Variants in WWTR1 observed in about 807,000 individuals in gnomAD.
WWTR1 encodes the protein WW domain-containing transcription regulator protein 1.
WWTR1 carries 13 observed loss-of-function variants against 40.1 expected under a neutral mutation model. The ratio of observed to expected loss-of-function variants is 0.32; its 90% CI spans 0.21 to 0.52. The LOEUF is 0.52. Among genes scored for constraint, WWTR1 ranks in the 20% least tolerant of loss-of-function variants. The pLI is 0.97. For synonymous variants in WWTR1, 230 were observed against 210.1 expected (o/e 1.09, Z -0.82); for missense variants, 436 against 523.1 (o/e 0.83, Z 1.63).
rs557574982 is a variant in WWTR1 at position 149,548,580 on chromosome 3, T to G, written c.569-6043A>C. ...CATAGCGGACAGGCCTGCAAGGGGC[T>G]GGCTCTGAGTAGATCATGGAAAGAA... On this transcript the variant is annotated intron_variant, in intron 3 of 6. Transcript: ENST00000360632. 3.5e-4 allele frequency among the ~76,000 whole-genome samples: 54 copies of G among 152,382 alleles called. No individual in the cohort carries two copies. In the South Asian group the frequency reaches 0.011, roughly 30 times the overall value.
At chr3:149,689,980 G>A (rs1714765330) in intron 1 of WWTR1, among the ~76,000 whole-genome samples, 1 of 152,108 alleles carries the variant, frequency 6.6e-6, no homozygotes, top group Admixed American at 6.5e-5. Flanking sequence ...AGGCAGGGAC[G>A]AAGTAAAAGT....
intron 3 of WWTR1, among the ~76,000 whole-genome samples, chr3:149,552,897 A>G (rs889766178): frequency 6.6e-6 from 1 of 152,128 alleles, no homozygotes; most frequent in African/African-American, 2.4e-5. Flanking sequence ...AGCACCTTTG[A>G]CTGTCTTCTC....
At chr3:149,715,992 GT>G (rs1324217665) in intron 5 of WWTR1, among the ~76,000 whole-genome samples, 1 of 152,050 alleles carries the variant, frequency 6.6e-6, no homozygotes, top group Non-Finnish European at 1.5e-5. Context: ...TTGGTCTCAG[GT>G]TTGCCTACAA....
Position 149,614,810 on chromosome 3 carries a change from C to G in WWTR1, c.432-41810G>C, listed in dbSNP as rs202014566. 7.2e-5 allele frequency among the ~76,000 whole-genome samples: 11 copies of G among 152,214 alleles called. No individual in the cohort carries two copies. The East Asian group carries it at 1.9e-3, about 27-fold the overall frequency. On this transcript the variant is annotated intron_variant, in intron 2 of 6. Coordinates refer to ENST00000360632, the MANE Select transcript of WWTR1 (RefSeq NM_015472.6). ...CCAGCCTGGCCAACATGGTGAAACC[C>G]TGTCTCTACTAATAATACAAAAATT...
At chr3:149,553,442 G>A (rs1474097459) in intron 3 of WWTR1, among the ~76,000 whole-genome samples, 3 of 152,074 alleles carry the variant, frequency 2.0e-5, no homozygotes, top group East Asian at 1.9e-4. Flanking sequence ...AACGTGAATC[G>A]CATGTTTTGA....
intron 4 of WWTR1, chr3:149,541,183 CA>C (rs5853413): frequency 0.57 from 210,604 of 372,416 alleles, 60,689 homozygotes; most frequent in South Asian, 0.69. Flanking sequence ...CTTTTCTCCC[CA>C]AAAATGTAGC....
chr3:149,657,214 G>A lies in WWTR1; in HGVS notation c.93C>T (p.Leu31=). ...GCTTCGGATTCATGACAGAGTTGAA[G>A]AGGGCTTCGAGGTCTGTGTCTAGGT... ...TQDLDTDLEA[L]FNSVMNPKPS... The change falls in exon 2 of 7, where the codon CTC becomes CTT. Residue 31 remains leucine (L), a synonymous_variant. Coordinates refer to ENST00000360632, the MANE Select transcript of WWTR1 (RefSeq NM_015472.6). The A allele has an allele frequency of 6.2e-7, 1 of 1,612,604 alleles. No homozygotes were observed. The highest frequency in any genetic ancestry group is 8.5e-7 in the Non-Finnish European group (1 of 1,179,508).
intron 1 of WWTR1, among the ~76,000 whole-genome samples, chr3:149,700,099 G>A (rs1314191423): frequency 1.3e-5 from 2 of 152,188 alleles, no homozygotes; most frequent in Non-Finnish European, 2.9e-5. Flanking sequence ...TTTGGTTATG[G>A]CAGAAGGCAA....
intron 2 of WWTR1, among the ~76,000 whole-genome samples, chr3:149,634,987 G>A (rs1400723315): frequency 6.6e-6 from 1 of 152,196 alleles, no homozygotes; most frequent in Non-Finnish European, 1.5e-5. Flanking sequence ...CTAAAGAGGA[G>A]AGGAGGAATC....
Position 149,552,244 on chromosome 3 carries a change from A to G in WWTR1, c.569-9707T>C, listed in dbSNP as rs1377775873. On this transcript the variant is annotated intron_variant, in intron 3 of 6. Coordinates refer to ENST00000360632, the MANE Select transcript of WWTR1 (RefSeq NM_015472.6). ...CTCCCCCTACCCCTCAGGACCAATC[A>G]CAATGATATGGATCTTCCTTTCTTA... Among the ~76,000 whole-genome samples, 2 of 135,056 alleles carry G rather than the reference A, an allele frequency of 1.5e-5. 1 individual carries two copies. The highest frequency in any genetic ancestry group is 5.7e-5 in the African/African-American group (2 of 34,784). 88.6% of individuals were successfully genotyped at this position (135,056 alleles called of 152,430 possible).
At chr3:149,695,633 C>G (rs116394715) in intron 1 of WWTR1, among the ~76,000 whole-genome samples, 1 of 151,044 alleles carries the variant, frequency 6.6e-6, no homozygotes, top group Non-Finnish European at 1.5e-5. Context: ...TGATGGCAGG[C>G]GCCTGTAATC....
At chr3:149,674,277 C>T (rs923761997) in intron 1 of WWTR1, among the ~76,000 whole-genome samples, 1 of 151,162 alleles carries the variant, frequency 6.6e-6, no homozygotes, top group Non-Finnish European at 1.5e-5. Context: ...ATCTCTTTCT[C>T]TCTCACACAC....
upstream of WWTR1, among the ~76,000 whole-genome samples, chr3:149,707,446 C>T (rs77509560): frequency 0.026 from 3,943 of 152,226 alleles, 118 homozygotes; most frequent in East Asian, 0.13. Flanking sequence ...CCTCTGCTTC[C>T]CTTTGTCAAC....
At chr3:149,612,704 T>G (rs962573037) in intron 2 of WWTR1, among the ~76,000 whole-genome samples, 2 of 152,146 alleles carry the variant, frequency 1.3e-5, no homozygotes, top group Non-Finnish European at 2.9e-5. Flanking sequence ...ATGAGTAAAT[T>G]AGCAATTAGC....
At chr3:149,674,223 CTCTCTG>C (rs953608860) in intron 1 of WWTR1, among the ~76,000 whole-genome samples, 1 of 149,576 alleles carries the variant, frequency 6.7e-6, no homozygotes, top group South Asian at 2.1e-4. Context: ...CTGTCTCTCT[CTCTCTG>C]TCTCTGTCTC....
At chr3:149,620,752 A>T (rs1740232180) in intron 2 of WWTR1, among the ~76,000 whole-genome samples, 1 of 152,218 alleles carries the variant, frequency 6.6e-6, no homozygotes, top group African/African-American at 2.4e-5. Context: ...ATCTGTCTGG[A>T]AACTAACAGC....
intron 2 of WWTR1, among the ~76,000 whole-genome samples, chr3:149,664,436 G>A (rs75040560): frequency 0.027 from 4,076 of 152,234 alleles, 126 homozygotes; most frequent in East Asian, 0.13. Flanking sequence ...TAGCAAATAT[G>A]CAAATACCTA....
chr3:149,653,954 C>G (rs978024673), intron 2 of WWTR1, among the ~76,000 whole-genome samples: 3 of 152,118 alleles, frequency 2.0e-5, no homozygotes, highest in Non-Finnish European at 2.9e-5. Context: ...AAGCTCTCAA[C>G]TCCCAACAGA....
rs757376560 is a variant in WWTR1, at chr3:149,527,892, C to T, written c.849G>A (p.Thr283=). 9 of 1,614,084 alleles carry T rather than the reference C, an allele frequency of 5.6e-6. No homozygotes were observed. The highest frequency in any genetic ancestry group is 2.7e-5 in the African/African-American group (2 of 75,016). The part of the protein sequence containing the change: ...APVQAAVNPP[T]MTPDMRSITN... ...TGATGGATCTCATGTCTGGGGTCAT[C>T]GTGGGTGGGTTGACAGCAGCCTGAA... The change falls in exon 5 of 7, where the codon ACG becomes ACA. Residue 283 remains threonine, a synonymous_variant. Transcript: ENST00000360632.
Sources: gnomAD v4.1 joint callset for allele counts (sites outside exome capture counted in the v4.1 genomes callset) on GRCh38, gnomAD v4.1.1 for gene constraint, MANE v1.5 for transcripts, NCBI Gene and HGNC (gene_info 2026-07-23, HGNC 2026-07-21) for gene names.